The following SPINK7 variants were observed in gnomAD, a reference collection of about 807,000 sequenced individuals.
SPINK7 encodes the protein serine peptidase inhibitor Kazal type 7, also known as serine protease inhibitor Kazal-type 7.
A neutral mutation model predicts 11.6 loss-of-function variants in SPINK7; 8 were observed. The ratio of observed to expected loss-of-function variants is 0.69; its 90% CI spans 0.41 to 1.25. SPINK7 has a LOEUF of 1.25. Ranked by LOEUF, SPINK7 falls within the 50% of genes most tolerant of loss-of-function variation. The probability of loss-of-function intolerance (pLI) is 0.01; values close to 1 mark genes in which losing one functional copy is unlikely to be tolerated. For missense variants in SPINK7, 113 were observed against 99.3 expected, an observed-to-expected ratio of 1.14 and a Z score of -0.58; for synonymous variants, 38 against 35.3, an observed-to-expected ratio of 1.08 and a Z score of -0.27.
rs770295408 is a variant in SPINK7, at chr5:148,315,709, G to A, written c.*25G>A. 7.1e-7 allele frequency: 1 copy of A among 1,412,442 alleles called. No individual in the cohort carries two copies. Among genetic ancestry groups the A allele is most frequent in the Admixed American group, 1.7e-5 (1 of 58,898 alleles). 87.5% of individuals were successfully genotyped at this position (1,412,442 alleles called of 1,614,324 possible). A position where few individuals can be genotyped will look rare whatever the true frequency, so the allele number is the denominator to read the frequency against. On this transcript the variant is annotated 3_prime_UTR_variant, in exon 4 of 4. Coordinates refer to ENST00000274565, the MANE Select transcript of SPINK7 (RefSeq NM_032566.3). ...AATTCTCCATGGACATAGAGAGAAA[G>A]GAATGATATTCTCATCATCATCTTC...
At chr5:148,314,291 TC>T in intron 3 of SPINK7, 67 bp downstream of exon 3, 2 of 1,540,440 alleles carry the variant, frequency 1.3e-6, no homozygotes, top group Non-Finnish European at 1.8e-6. Flanking sequence ...GCTTCTACTT[TC>T]CAGGATCCAG....
At chr5:148,313,968 C>G (rs1756895569) in intron 2 of SPINK7, 132 bp from the exon 3 acceptor site, 1 of 1,059,620 alleles carries the variant, frequency 9.4e-7, no homozygotes, top group African/African-American at 1.6e-5. Context: ...AGTGATAACA[C>G]TAGTACTTAA....
intron 3 of SPINK7, 62 bp from the exon 4 acceptor site, chr5:148,315,577 T>C: frequency 1.0e-6 from 1 of 1,002,758 alleles, no homozygotes; most frequent in Non-Finnish European, 1.6e-6. Flanking sequence ...TCCTTTCAGC[T>C]CTAACATTAC....
rs748146974 is a variant in SPINK7, at chr5:148,314,173, G to A, written c.161G>A (p.Gly54Asp). 1.2e-6 allele frequency: 2 copies of A among 1,613,784 alleles called. No individual in the cohort carries two copies. The highest frequency in any genetic ancestry group is 1.7e-6 in the Non-Finnish European group (2 of 1,179,784). ...PCPITYLPVCGSDYITYGNEC... is the reference protein window; with the variant it reads ...PCPITYLPVCDSDYITYGNEC... ...CCCATCACATACCTACCAGTTTGTG[G>A]TTCTGACTACATCACCTATGGGAAT... Residue 54 changes from glycine (G) to aspartate (D), a missense_variant, in exon 3 of 4, where the codon GGT (glycine) becomes GAT (aspartate). Coordinates refer to ENST00000274565, the MANE Select transcript of SPINK7 (RefSeq NM_032566.3).
At chr5:148,314,353 G>A (rs1756903276) in intron 3 of SPINK7, 129 bp downstream of exon 3, 2 of 1,081,400 alleles carry the variant, frequency 1.8e-6, no homozygotes, top group Non-Finnish European at 2.7e-6. Flanking sequence ...CAGAACAGCA[G>A]GTGGGGATAG....
chr5:148,315,372 T>TG (rs1756915739), intron 3 of SPINK7, among the ~76,000 whole-genome samples: 2 of 152,082 alleles, frequency 1.3e-5, no homozygotes, highest in African/African-American at 4.8e-5. Context: ...GAGTACTCTT[T>TG]CTTTGTTGTG....
chr5:148,315,707 A>C lies in SPINK7; in HGVS notation c.*23A>C, dbSNP rs748645219. ...TAAATTCTCCATGGACATAGAGAGAAAGGAATGATATTCTCATCATCATCT... is the reference window on the plus strand; with the variant it reads ...TAAATTCTCCATGGACATAGAGAGACAGGAATGATATTCTCATCATCATCT... On this transcript the variant is annotated 3_prime_UTR_variant, in exon 4 of 4. Transcript: ENST00000274565. 7.0e-6 allele frequency: 10 copies of C among 1,423,328 alleles called. No individual in the cohort carries two copies. The highest frequency in any genetic ancestry group is 1.5e-5 in the African/African-American group (1 of 66,012). The allele number at this position is 1,423,328 out of a possible 1,614,324, so 88.2% of individuals were successfully genotyped here. A position where few individuals can be genotyped will look rare whatever the true frequency, so the allele number is the denominator to read the frequency against.
intron 2 of SPINK7, chr5:148,313,679 C>A: frequency 2.5e-6 from 1 of 398,062 alleles, no homozygotes; most frequent in Non-Finnish European, 4.5e-6. Context: ...GTGTAAAAGG[C>A]AGAGCAAAAG....
intron 2 of SPINK7, 92 bp downstream of exon 2, chr5:148,313,491 G>A (rs538829393): frequency 4.7e-5 from 42 of 884,534 alleles, no homozygotes; most frequent in Middle Eastern, 2.3e-4. Context: ...AGGGGGATTC[G>A]AGAGGGAGGC....
intron 1 of SPINK7, 52 bp downstream of exon 1, chr5:148,312,596 A>C (rs866472162): frequency 2.9e-6 from 3 of 1,049,516 alleles, no homozygotes; most frequent in Middle Eastern, 4.2e-4. Context: ...TGTTTTCATA[A>C]ATAATCCCTC....
Position 148,314,220 on chromosome 5 carries a change from A to G in SPINK7, c.208A>G (p.Ser70Gly). 2.5e-6 allele frequency: 4 copies of G among 1,613,668 alleles called. No individual in the cohort carries two copies. The highest frequency in any genetic ancestry group is 3.4e-6 in the Non-Finnish European group (4 of 1,179,688). Residue 70 changes from serine (S) to glycine (G), a missense_variant, in exon 3 of 4, where the codon AGC becomes GGC. Physicochemically the swap from Ser to Gly is moderately conservative, Grantham distance 56. Transcript: ENST00000274565. The part of the protein sequence containing the change: ...YGNECHLCTE[S>G]LKSNGRVQFL... ...GAATGAATGTCACTTGTGTACCGAG[A>G]GCTTGTGAGTACCTCATAAGAAGAA...
Position 148,315,699 on chromosome 5 carries a change from T to C in SPINK7, c.*15T>C, listed in dbSNP as rs192180759. 11 of 1,505,144 alleles carry C rather than the reference T, an allele frequency of 7.3e-6. No individual in the cohort carries two copies. Among genetic ancestry groups the C allele is most frequent in the African/African-American group, 4.2e-5 (3 of 71,206 alleles). The allele number at this position is 1,505,144 out of a possible 1,614,324, so 93.2% of individuals were successfully genotyped here. ...GAAGTTGCTAAATTCTCCATGGACA[T>C]AGAGAGAAAGGAATGATATTCTCAT... On this transcript the variant is annotated 3_prime_UTR_variant, in exon 4 of 4. Transcript: ENST00000274565.
rs554882348 is a variant in SPINK7 at position 148,312,707 on chromosome 5, T to A, written c.61+163T>A. On this transcript the variant is annotated intron_variant, in intron 1 of 3. Coordinates refer to ENST00000274565, the MANE Select transcript of SPINK7 (RefSeq NM_032566.3). Reference sequence around the variant, plus strand: ...CCATCTGGAGTTTGAGAGACTTGAGTCCAATGTCTTCACTTTCAAGGATTC... The same window carrying A: ...CCATCTGGAGTTTGAGAGACTTGAGACCAATGTCTTCACTTTCAAGGATTC... Among the ~76,000 whole-genome samples, 3 of 152,056 alleles carry A rather than the reference T, an allele frequency of 2.0e-5. No homozygotes were observed. In the South Asian group the frequency reaches 6.2e-4, roughly 31 times the overall value.
intron 3 of SPINK7, 158 bp downstream of exon 3, chr5:148,314,382 A>G: frequency 1.3e-6 from 1 of 783,388 alleles, no homozygotes; most frequent in Non-Finnish European, 2.0e-6. Flanking sequence ...CTGTTGCACA[A>G]TCAGACAGGG....
intron 1 of SPINK7, among the ~76,000 whole-genome samples, 165 bp downstream of exon 1, chr5:148,312,709 C>T (rs1481713796): frequency 6.6e-6 from 1 of 151,998 alleles, no homozygotes; most frequent in African/African-American, 2.4e-5. Context: ...GACTTGAGTC[C>T]AATGTCTTCA....
chr5:148,315,618 G>C, intron 3 of SPINK7, 21 bp from the exon 4 acceptor site: 1 of 1,559,352 alleles, frequency 6.4e-7, no homozygotes, highest in Non-Finnish European at 8.8e-7. Flanking sequence ...AATGAATCTT[G>C]TGAACTGTGT....
At chr5:148,313,538 G>A in intron 2 of SPINK7, 139 bp downstream of exon 2, 1 of 513,554 alleles carries the variant, frequency 1.9e-6, no homozygotes, top group East Asian at 3.2e-5. Context: ...TTCTCCAGAA[G>A]GCAACTAAAC....
chr5:148,313,806 G>T, intron 2 of SPINK7: 1 of 488,744 alleles, frequency 2.0e-6, no homozygotes, highest in Non-Finnish European at 3.6e-6. Context: ...TGTAAAGAGA[G>T]GTAATAGTAG....
intron 1 of SPINK7, among the ~76,000 whole-genome samples, chr5:148,313,012 A>T (rs1756880753): frequency 6.6e-6 from 1 of 152,088 alleles, no homozygotes; most frequent in African/African-American, 2.4e-5. Flanking sequence ...TCTTTATGTC[A>T]ATTGGGAAGG....
Sources: allele counts gnomAD v4.1 joint callset (sites outside exome capture counted in the v4.1 genomes callset), GRCh38; gene constraint gnomAD v4.1.1; transcripts MANE v1.5; gene names NCBI Gene and HGNC (gene_info 2026-07-23, HGNC 2026-07-21).